Variants in CSNK1A1 observed in about 807,000 individuals in gnomAD.
The protein encoded by CSNK1A1 is casein kinase I isoform alpha.
In CSNK1A1, 7 loss-of-function variants were observed where a neutral mutation model predicts 46.1. That is an observed-to-expected ratio of 0.15 (90% CI 0.09 to 0.29). The LOEUF (loss-of-function observed/expected upper bound fraction) is 0.29, where lower values mean the gene tolerates loss of function less well. Among genes scored for constraint, CSNK1A1 ranks in the 10% least tolerant of loss-of-function variants. CSNK1A1 has a pLI of 1.00. For synonymous variants in CSNK1A1, 137 were observed against 141.5 expected (o/e 0.97, Z 0.23); for missense variants, 96 against 417.1 (o/e 0.23, Z 6.71).
At chr5:149,549,383 C>T in intron 2 of CSNK1A1, 1 of 678,434 alleles carries the variant, frequency 1.5e-6, no homozygotes, top group Non-Finnish European at 2.7e-6. Context: ...TAGTGTAATT[C>T]AACAATTTCG....
At chr5:149,511,900 C>T in intron 5 of CSNK1A1, 28 bp from the exon 6 acceptor site, 1 of 1,516,392 alleles carries the variant, frequency 6.6e-7, no homozygotes, top group Non-Finnish European at 9.1e-7. Flanking sequence ...ATTTTATAAA[C>T]TGGAACTATT....
At chr5:149,549,839 G>C (rs1762599318) in intron 2 of CSNK1A1, among the ~76,000 whole-genome samples, 1 of 152,142 alleles carries the variant, frequency 6.6e-6, no homozygotes. Flanking sequence ...TGAAAGCCTC[G>C]GGAAGAGTGA....
At chr5:149,535,611 T>C (rs1003102854) in intron 2 of CSNK1A1, among the ~76,000 whole-genome samples, 1 of 152,184 alleles carries the variant, frequency 6.6e-6, no homozygotes, top group African/African-American at 2.4e-5. Context: ...TAATACACTA[T>C]TAAGAGACCA....
chr5:149,541,958 A>C (rs923591911), intron 2 of CSNK1A1, among the ~76,000 whole-genome samples: 2 of 144,702 alleles, frequency 1.4e-5, no homozygotes, highest in African/African-American at 2.6e-5. Context: ...GCAACAGAGA[A>C]AGACTGCATC....
In CSNK1A1 at chr5:149,550,426, A is replaced by C; in HGVS notation, c.124-245T>G. The C allele has an allele frequency of 8.4e-7, 1 of 1,185,334 alleles. No homozygotes were observed. The highest frequency in any genetic ancestry group is 1.1e-6 in the Non-Finnish European group (1 of 920,826). 73.4% of individuals were successfully genotyped at this position (1,185,334 alleles called of 1,614,324 possible). The stretch of plus-strand genomic sequence containing the variant: ...ATGATTCATCCAGAAAAAAGAGGCA[A>C]CCTCTGAACGTAGTGAGAGGTTTTT... On this transcript the variant is annotated intron_variant, in intron 1 of 9. Transcript: ENST00000377843. The surrounding 1 kb of genome is among the most constrained non-coding windows in gnomAD (Gnocchi z 4.3).
At chr5:149,515,325 G>C (rs1761366428) in intron 4 of CSNK1A1, among the ~76,000 whole-genome samples, 1 of 152,164 alleles carries the variant, frequency 6.6e-6, no homozygotes, top group African/African-American at 2.4e-5. Flanking sequence ...ACATTCAATA[G>C]CTTCATTTGT....
chr5:149,503,429 G>A (rs1760932157), intron 9 of CSNK1A1: 1 of 985,300 alleles, frequency 1.0e-6, no homozygotes, highest in Non-Finnish European at 1.2e-6. Flanking sequence ...CTTTTCAGTA[G>A]CAATACAGAT....
chr5:149,534,845 G>A (rs1479620551), intron 2 of CSNK1A1, among the ~76,000 whole-genome samples: 1 of 148,318 alleles, frequency 6.7e-6, no homozygotes, highest in Non-Finnish European at 1.5e-5. Context: ...GATCACTTGA[G>A]CCTCGGCTGT....
At chr5:149,523,061 G>A (rs921215820) in intron 3 of CSNK1A1, among the ~76,000 whole-genome samples, 1 of 135,950 alleles carries the variant, frequency 7.4e-6, no homozygotes, top group African/African-American at 2.9e-5. Flanking sequence ...TTTTTTTTGA[G>A]ACAGAGTCTC....
In CSNK1A1 at chr5:149,493,363, T is replaced by C. The variant is rs1323030552; in HGVS notation, c.*3490A>G. 2.9e-4 allele frequency: 11 copies of C among 38,082 alleles called. No individual in the cohort carries two copies. Among genetic ancestry groups the C allele is most frequent in the Admixed American group, 7.0e-4 (2 of 2,846 alleles). The allele number at this position is 38,082 out of a possible 1,614,324, so 2.4% of individuals were successfully genotyped here. On this transcript the variant is annotated 3_prime_UTR_variant, in exon 10 of 10. Transcript: ENST00000377843. ...GTGCCACTGCTCCTAGCCAACCACT[T>C]TTTTTTTTTTTTTTTTTTTTAGATT...
chr5:149,518,861 G>A (rs148261053), intron 4 of CSNK1A1, among the ~76,000 whole-genome samples: 5 of 152,086 alleles, frequency 3.3e-5, no homozygotes, highest in Admixed American at 6.6e-5. Context: ...CAAAAACCAC[G>A]TACTGCAATG....
intron 9 of CSNK1A1, chr5:149,500,904 AGGTATACACTATTCCT>A (rs1760835369): frequency 1.2e-6 from 1 of 820,420 alleles, no homozygotes; most frequent in Non-Finnish European, 1.5e-6. Flanking sequence ...TAAGTATAGG[AGGTATACACTATTCCT>A]AAACTGCATT....
At chr5:149,499,140 C>G (rs187793789) in intron 9 of CSNK1A1, 3 of 985,332 alleles carry the variant, frequency 3.0e-6, no homozygotes, top group Admixed American at 1.2e-4. Context: ...AACAGGTATT[C>G]AACAGTCTTG....
At chr5:149,529,474 C>A in intron 2 of CSNK1A1, 1 of 236,338 alleles carries the variant, frequency 4.2e-6, no homozygotes, top group South Asian at 4.7e-5. Context: ...ACAAAAAATG[C>A]TAACATGATT....
At chr5:149,514,282 T>C (rs1761330619) in intron 4 of CSNK1A1, among the ~76,000 whole-genome samples, 1 of 152,204 alleles carries the variant, frequency 6.6e-6, no homozygotes, top group South Asian at 2.1e-4. Context: ...TGTAGCTAAT[T>C]GTTGTATGTA....
Position 149,531,708 on chromosome 5 carries a change from CAAAAA to C in CSNK1A1, c.231-6542_231-6538del, listed in dbSNP as rs1580848346. Among the ~76,000 whole-genome samples, 5 of 76,300 alleles carry C rather than the reference CAAAAA, an allele frequency of 6.6e-5. No homozygotes were observed. In the South Asian group the frequency reaches 3.0e-3, roughly 46 times the overall value. The allele number at this position is 76,300 out of a possible 152,430, so 50.1% of individuals were successfully genotyped here. A position where few individuals can be genotyped will look rare whatever the true frequency, so the allele number is the denominator to read the frequency against. On this transcript the variant is annotated intron_variant, in intron 2 of 9. Transcript: ENST00000377843. ...ACTAAAAATACAAAAAAAAAAAAAACAAAAAACAAAAAATTAGCCGCACATGGTGG... is the reference window on the plus strand; with the variant it reads ...ACTAAAAATACAAAAAAAAAAAAAACACAAAAAATTAGCCGCACATGGTGG...
intron 2 of CSNK1A1, chr5:149,549,288 G>C: frequency 1.8e-6 from 1 of 560,160 alleles, no homozygotes. Flanking sequence ...TACAAATTTA[G>C]TCCCGACTGA....
At chr5:149,539,995 C>G (rs1762179423) in intron 2 of CSNK1A1, among the ~76,000 whole-genome samples, 1 of 152,102 alleles carries the variant, frequency 6.6e-6, no homozygotes, top group African/African-American at 2.4e-5. Flanking sequence ...TGAATTCAAC[C>G]AATTATTCCC....
At position 149,496,577 on chromosome 5, in the gene CSNK1A1, T is replaced by C. The variant is rs1455232283; in HGVS notation, c.*276A>G. On this transcript the variant is annotated 3_prime_UTR_variant, in exon 10 of 10. Coordinates refer to ENST00000377843, the MANE Select transcript of CSNK1A1 (RefSeq NM_001892.6). ...CACCAATTTTTGTGTGTCAACCATT[T>C]AGTTAACTTTTCCACTTGAAAAAAT... 4.8e-6 allele frequency: 2 copies of C among 418,850 alleles called. No individual in the cohort carries two copies. Among genetic ancestry groups the C allele is most frequent in the Non-Finnish European group, 8.4e-6 (2 of 238,508 alleles). The allele number at this position is 418,850 out of a possible 1,614,324, so 25.9% of individuals were successfully genotyped here.
Sources: allele counts gnomAD v4.1 joint callset (sites outside exome capture counted in the v4.1 genomes callset), GRCh38; gene constraint gnomAD v4.1.1; non-coding constraint Gnocchi (gnomAD v3.1); transcripts MANE v1.5; gene names NCBI Gene and HGNC (gene_info 2026-07-23, HGNC 2026-07-21).